MIA2: variants seen among roughly 807,000 people sequenced by gnomAD.
MIA2 encodes MIA SH3 domain ER export factor 2.
MIA2 carries 127 observed loss-of-function variants against 167.8 expected under a neutral mutation model. That is an observed-to-expected ratio of 0.76 (90% CI 0.66 to 0.88). The LOEUF is 0.88. Among genes scored for constraint, MIA2 ranks in the 40% least tolerant of loss-of-function variants. The probability of loss-of-function intolerance (pLI) is 0.00; values close to 1 mark genes in which losing one functional copy is unlikely to be tolerated. For synonymous variants in MIA2, 552 were observed against 541.9 expected (o/e 1.02, Z -0.26); for missense variants, 1,690 against 1,624.7 (o/e 1.04, Z -0.69).
chr14:39,269,853 G>A (rs1267844429), intron 6 of MIA2, among the ~76,000 whole-genome samples: 4 of 152,040 alleles, frequency 2.6e-5, no homozygotes, highest in Non-Finnish European at 4.4e-5. Context: ...AAAATATTCC[G>A]TTGTGTGACT....
At chr14:39,296,611 T>C (rs1470564423) in intron 13 of MIA2, among the ~76,000 whole-genome samples, 6 of 148,982 alleles carry the variant, frequency 4.0e-5, no homozygotes, top group East Asian at 2.0e-4. Flanking sequence ...TTTTCTTTTT[T>C]TTTTTTTTTA....
chr14:39,347,671 T>G, intron 26 of MIA2, 42 bp from the exon 27 acceptor site: 10 of 1,593,158 alleles, frequency 6.3e-6, no homozygotes, highest in Non-Finnish European at 8.6e-6. Flanking sequence ...AGGAATAAAG[T>G]GATAAATCAT....
chr14:39,301,183 C>G (rs139378671), intron 14 of MIA2, among the ~76,000 whole-genome samples: 4,839 of 152,084 alleles, frequency 0.032, 278 homozygotes, highest in African/African-American at 0.11. Flanking sequence ...GCCTCAGCCT[C>G]CTGAGTAGCT....
intron 2 of MIA2, among the ~76,000 whole-genome samples, chr14:39,238,055 A>G (rs907543804): frequency 4.0e-5 from 6 of 151,370 alleles, no homozygotes; most frequent in Non-Finnish European, 5.9e-5. Context: ...TCAAGTTTTA[A>G]AGAGACTGCA....
intron 23 of MIA2, among the ~76,000 whole-genome samples, chr14:39,372,300 C>T (rs1389785885): frequency 6.7e-6 from 1 of 150,158 alleles, no homozygotes; most frequent in Non-Finnish European, 1.5e-5. Flanking sequence ...TGTGTGAAAA[C>T]GTAAAAAAAA....
chr14:39,291,148 A>G, intron 10 of MIA2, 52 bp downstream of exon 10: 1 of 1,479,850 alleles, frequency 6.8e-7, no homozygotes, highest in Non-Finnish European at 9.2e-7. Context: ...AATACTAAGT[A>G]ACAAAAACTT....
chr14:39,343,231 G>A (rs750252215), intron 25 of MIA2, among the ~76,000 whole-genome samples: 10 of 152,080 alleles, frequency 6.6e-5, no homozygotes, highest in African/African-American at 1.7e-4. Flanking sequence ...TGCAACCTCC[G>A]CCTCCTGGGT....
At chr14:39,280,210 TTTTG>T (rs1373559301) in intron 9 of MIA2, among the ~76,000 whole-genome samples, 2 of 152,160 alleles carry the variant, frequency 1.3e-5, no homozygotes, top group African/African-American at 4.8e-5. Flanking sequence ...TTGTTGGGCT[TTTTG>T]TTTGTTTTTT....
chr14:39,314,328 A>G (rs2064923460), intron 19 of MIA2, among the ~76,000 whole-genome samples: 1 of 151,372 alleles, frequency 6.6e-6, no homozygotes. Flanking sequence ...TGGAGGTTGC[A>G]GTGAGCCGAG....
chr14:39,286,252 G>A (rs955384943), intron 9 of MIA2, among the ~76,000 whole-genome samples: 4 of 152,206 alleles, frequency 2.6e-5, no homozygotes, highest in Non-Finnish European at 5.9e-5. Context: ...AGACCAGCCC[G>A]GCCAACACAG....
At chr14:39,358,363 C>T (rs1388659211) in intron 23 of MIA2, among the ~76,000 whole-genome samples, 1 of 152,204 alleles carries the variant, frequency 6.6e-6, no homozygotes, top group Non-Finnish European at 1.5e-5. Flanking sequence ...GAAGCTTGTG[C>T]ATTCGTCACG....
At chr14:39,236,077 G>T (rs1336486500) in intron 1 of MIA2, among the ~76,000 whole-genome samples, 1 of 152,074 alleles carries the variant, frequency 6.6e-6, no homozygotes, top group African/African-American at 2.4e-5. Context: ...TTGGGCGGGG[G>T]GCAGGTGCTA....
intron 24 of MIA2, among the ~76,000 whole-genome samples, chr14:39,326,178 A>G (rs936019892): frequency 2.4e-4 from 36 of 152,232 alleles, no homozygotes; most frequent in Non-Finnish European, 4.1e-4. Context: ...TTTTGAAACT[A>G]TCGTTTTAGA....
rs190377386 is a variant in MIA2 at position 39,325,430 on chromosome 14, T to G, written c.3497-1434T>G. On this transcript the variant is annotated intron_variant, in intron 24 of 28. Coordinates refer to ENST00000640607, the MANE Select transcript of MIA2 (RefSeq NM_001329214.4). Reference sequence around the variant, plus strand: ...TCCCCCAGACTGGTGTGCAGTGGCATGATCTTGGCTCACTGCAACCTCCTC... The same window carrying G: ...TCCCCCAGACTGGTGTGCAGTGGCAGGATCTTGGCTCACTGCAACCTCCTC... Among the ~76,000 whole-genome samples the G allele has an allele frequency of 4.2e-3, 620 of 146,560 alleles. 2 individuals carry two copies. Among genetic ancestry groups the G allele is most frequent in the Non-Finnish European group, 6.7e-3 (446 of 66,512 alleles).
chr14:39,336,213 C>A (rs1272976426), intron 25 of MIA2, among the ~76,000 whole-genome samples: 5 of 152,162 alleles, frequency 3.3e-5, no homozygotes, highest in Non-Finnish European at 7.3e-5. Context: ...AATTTACATT[C>A]CCTCCAACAG....
chr14:39,266,547 C>G (rs994831216), intron 6 of MIA2: 3 of 985,394 alleles, frequency 3.0e-6, no homozygotes, highest in African/African-American at 1.7e-5. Context: ...GAAACCAGAT[C>G]GAGGTTCTCT....
intron 25 of MIA2, among the ~76,000 whole-genome samples, chr14:39,328,239 A>G (rs1222251915): frequency 6.6e-6 from 1 of 151,954 alleles, no homozygotes; most frequent in African/African-American, 2.4e-5. Context: ...GCTTTTTTTC[A>G]TATGTTTGTT....
intron 3 of MIA2, among the ~76,000 whole-genome samples, chr14:39,246,254 G>C: frequency 6.6e-6 from 1 of 151,794 alleles, no homozygotes; most frequent in Non-Finnish European, 1.5e-5. Flanking sequence ...CCACCACCAT[G>C]CCTGGCTAAT....
chr14:39,322,870 A>G (rs573011396), intron 24 of MIA2, among the ~76,000 whole-genome samples: 1 of 152,370 alleles, frequency 6.6e-6, no homozygotes, highest in Non-Finnish European at 1.5e-5. Context: ...AGCTGATGGC[A>G]TTCTTCACCA....
Sources: gnomAD v4.1 joint callset for allele counts (sites outside exome capture counted in the v4.1 genomes callset) on GRCh38, gnomAD v4.1.1 for gene constraint, MANE v1.5 for transcripts, NCBI Gene and HGNC (gene_info 2026-07-23, HGNC 2026-07-21) for gene names.